Variants in MYO7B observed in about 807,000 individuals in gnomAD.
The protein encoded by MYO7B is unconventional myosin-VIIb.
Under a neutral mutation model 259.7 loss-of-function variants are expected in MYO7B, and 212 were observed. That is an observed-to-expected ratio of 0.82 (90% confidence interval 0.73 to 0.91). MYO7B has a LOEUF of 0.91. Among genes scored for constraint, MYO7B ranks in the 40% least tolerant of loss-of-function variants. The pLI is 0.00. For synonymous variants in MYO7B, 1,197 were observed against 1,166.4 expected, an observed-to-expected ratio of 1.03 and a Z score of -0.54; for missense variants, 2,732 against 2,813.5, an observed-to-expected ratio of 0.97 and a Z score of 0.66.
At chr2:127,618,839 G>A (rs1257627233) in intron 26 of MYO7B, among the ~76,000 whole-genome samples, 1 of 152,246 alleles carries the variant, frequency 6.6e-6, no homozygotes, top group Non-Finnish European at 1.5e-5. Context: ...GTGGCAGGAT[G>A]GAGCCTGGGG....
At position 127,609,814 on chromosome 2, in the gene MYO7B, G is replaced by A. The variant is rs1232720178; in HGVS notation, c.3025-35G>A. 6.2e-7 allele frequency: 1 copy of A among 1,612,962 alleles called. No homozygotes were observed. The highest frequency in any genetic ancestry group is 1.1e-5 in the South Asian group (1 of 91,050). ...GAAGGAAGGGGCCATAGTCACTGAT[G>A]GGTTCCCACTGGGCCTTCTGTCTTG... On this transcript the variant is annotated intron_variant, in intron 23 of 47. Transcript: ENST00000409816. This position sits in a 1 kb window ranked among gnomAD's most constrained non-coding sequence, Gnocchi z 6.9.
intron 1 of MYO7B, among the ~76,000 whole-genome samples, chr2:127,557,162 T>C (rs1338632089): frequency 6.6e-6 from 1 of 152,116 alleles, no homozygotes; most frequent in African/African-American, 2.4e-5. Context: ...AACTCTGAAG[T>C]TCTTTCTTCT....
rs781011995 is a variant in MYO7B, at chr2:127,623,250, G to A, written c.3694G>A (p.Gly1232Arg). 8 of 1,613,566 alleles carry A rather than the reference G, an allele frequency of 5.0e-6. No individual in the cohort carries two copies. In the African/African-American group the frequency reaches 1.1e-4, roughly 22 times the overall value. ...HIPIQVILAT[G>R]ESLTVPVDSA... is the part of the protein sequence containing the mutation. ...CCCCATCCAAGTCATCTTGGCCACT[G>A]GAGAGAGCCTAACCGTCCCCGTGGA... The change falls in exon 29 of 48, where the codon GGA becomes AGA. Residue 1232 changes from glycine to arginine, a missense_variant. By Grantham distance (125) the Gly-to-Arg change is moderately radical. Around this residue, in one of 3 missense-constraint regions of MYO7B, gnomAD observed 1,906 missense variants for 2,026.4 expected, o/e 0.94. Coordinates refer to ENST00000409816, the MANE Select transcript of MYO7B (RefSeq NM_001393586.1).
intron 1 of MYO7B, among the ~76,000 whole-genome samples, chr2:127,545,313 G>A (rs1040308925): frequency 1.3e-5 from 2 of 152,228 alleles, no homozygotes; most frequent in Non-Finnish European, 2.9e-5. Context: ...TTACCACAGT[G>A]CATGGGCAGG....
rs1215137068 is a variant in MYO7B, at chr2:127,606,067, A to G, written c.2424+139A>G. The G allele has an allele frequency of 1.9e-5, 13 of 681,788 alleles. No homozygotes were observed. In the East Asian group the frequency reaches 3.3e-4, roughly 17 times the overall value. The allele number at this position is 681,788 out of a possible 1,614,324, so 42.2% of individuals were successfully genotyped here. On this transcript the variant is annotated intron_variant, in intron 20 of 47. Transcript: ENST00000409816. ...AAATCATTCACAGACGTGGCATGCA[A>G]ATTTAAAATGATCAGACCTCAGCAT... is the stretch of plus-strand genomic sequence containing the variant.
In MYO7B at chr2:127,628,471, G is replaced by T; in HGVS notation, c.4560G>T (p.Leu1520=). The change falls in exon 34 of 48, where the codon CTG becomes CTT. Residue 1520 remains leucine, a synonymous_variant. Coordinates refer to ENST00000409816, the MANE Select transcript of MYO7B (RefSeq NM_001393586.1). This position sits in a 1 kb window ranked among gnomAD's most constrained non-coding sequence, Gnocchi z 4.8. ...SSVAIAELVA[L]FLEGLKERSI... is the part of the protein sequence containing the mutation. Reference sequence around the variant, plus strand: ...TGGCCATCGCTGAGCTGGTGGCCCTGTTCCTGGAGGGCCTGAAGGAGAGGT... The same window carrying T: ...TGGCCATCGCTGAGCTGGTGGCCCTTTTCCTGGAGGGCCTGAAGGAGAGGT... The T allele has an allele frequency of 1.3e-6, 2 of 1,565,710 alleles. No homozygotes were observed. Among genetic ancestry groups the T allele is most frequent in the Non-Finnish European group, 8.6e-7 (1 of 1,156,936 alleles).
At position 127,588,146 on chromosome 2, in the gene MYO7B, A is replaced by G. The variant is rs568463517; in HGVS notation, c.1691-246A>G. 5.9e-5 allele frequency among the ~76,000 whole-genome samples: 9 copies of G among 151,632 alleles called. No homozygotes were observed. In the East Asian group the frequency reaches 1.6e-3, roughly 26 times the overall value. ...GGCAGGAGGATGTGGCAGCTTATAT[A>G]AGGGGGTTTGGAGTGGGAATGGGAA... On this transcript the variant is annotated intron_variant, in intron 14 of 47. Coordinates refer to ENST00000409816, the MANE Select transcript of MYO7B (RefSeq NM_001393586.1).
intron 6 of MYO7B, among the ~76,000 whole-genome samples, chr2:127,570,666 A>C (rs1184895831): frequency 1.3e-5 from 2 of 152,218 alleles, no homozygotes; most frequent in African/African-American, 4.8e-5. Context: ...TGACAAACTC[A>C]TACAGGCCTG....
At position 127,628,159 on chromosome 2, in the gene MYO7B, T is replaced by C; in HGVS notation, c.4461-213T>C. 1 of 694,426 alleles carries C rather than the reference T, an allele frequency of 1.4e-6. No homozygotes were observed. Among genetic ancestry groups the C allele is most frequent in the Non-Finnish European group, 2.6e-6 (1 of 383,946 alleles). 43.0% of individuals were successfully genotyped at this position (694,426 alleles called of 1,614,324 possible). On this transcript the variant is annotated intron_variant, in intron 33 of 47. Transcript: ENST00000409816. This position sits in a 1 kb window ranked among gnomAD's most constrained non-coding sequence, Gnocchi z 4.8. ...CCCACAGCCAACCCCACACATGGGC[T>C]GCACCACTCTCAGCCTCCGAGAGGT...
chr2:127,593,173 C>T (rs1679634331), intron 17 of MYO7B, among the ~76,000 whole-genome samples: 1 of 152,214 alleles, frequency 6.6e-6, no homozygotes, highest in Non-Finnish European at 1.5e-5. Flanking sequence ...AGCTGGCGGC[C>T]GCAGCGGTTC....
rs375081670 is a variant in MYO7B at position 127,630,890 on chromosome 2, TCTC to T, written c.4922_4924del (p.Ser1641del). On this transcript the variant is annotated inframe_deletion, in exon 36 of 48. Coordinates refer to ENST00000409816, the MANE Select transcript of MYO7B (RefSeq NM_001393586.1). Reference sequence around the variant, plus strand: ...GAAAAGCTGCACACCCTGGAGGAGTTCTCCTATGAGTTCTTCAGGTGCCCCCCA... The same window carrying T: ...GAAAAGCTGCACACCCTGGAGGAGTTCTATGAGTTCTTCAGGTGCCCCCCA... 121 of 1,591,702 alleles carry T rather than the reference TCTC, an allele frequency of 7.6e-5. No individual in the cohort carries two copies. The Middle Eastern group carries it at 1.3e-3, about 18-fold the overall frequency.
intron 28 of MYO7B, among the ~76,000 whole-genome samples, chr2:127,622,759 A>T (rs751694221): frequency 3.3e-5 from 5 of 152,182 alleles, no homozygotes; most frequent in Non-Finnish European, 5.9e-5. Context: ...TTGTAGGTGA[A>T]CTTGCAGTAG....
chr2:127,544,182 T>TC (rs1315096823), intron 1 of MYO7B, among the ~76,000 whole-genome samples: 1 of 152,090 alleles, frequency 6.6e-6, no homozygotes, highest in Non-Finnish European at 1.5e-5. Flanking sequence ...ACTTAAGTGA[T>TC]CCTCCCACCT....
chr2:127,575,629 T>A (rs1678837907), intron 7 of MYO7B, among the ~76,000 whole-genome samples: 2 of 152,074 alleles, frequency 1.3e-5, no homozygotes, highest in Admixed American at 6.6e-5. Flanking sequence ...TAAGTAAATG[T>A]TTTTTTAAAA....
At position 127,636,745 on chromosome 2, in the gene MYO7B, G is replaced by A; in HGVS notation, c.6208-49G>A. 2 of 1,612,348 alleles carry A rather than the reference G, an allele frequency of 1.2e-6. No homozygotes were observed. Among genetic ancestry groups the A allele is most frequent in the Admixed American group, 1.7e-5 (1 of 59,970 alleles). The stretch of plus-strand genomic sequence containing the variant: ...TCTCTCCTGTCCCCTAACACACACA[G>A]AGCCCGTGCTCTGGAGGCGTCCGGC... On this transcript the variant is annotated intron_variant, in intron 46 of 47. Transcript: ENST00000409816. This position sits in a 1 kb window ranked among gnomAD's most constrained non-coding sequence, Gnocchi z 4.5.
Position 127,596,462 on chromosome 2 carries a change from G to T in MYO7B, c.2245G>T (p.Asp749Tyr), listed in dbSNP as rs551493788. 95 of 1,612,362 alleles carry T rather than the reference G, an allele frequency of 5.9e-5. No homozygotes were observed. In the East Asian group the frequency reaches 1.9e-3, roughly 33 times the overall value. The stretch of plus-strand genomic sequence containing the variant: ...AGTGACGGCGTCTCTCCTGTTCCAG[G>T]ATCATCAGGACACTCTGCTGGAGGT... ...KAGKTKIFLRDHQDTLLEVQR... is the reference protein window; with the variant it reads ...KAGKTKIFLRYHQDTLLEVQR... The change falls in exon 19 of 48, where the codon GAT becomes TAT. Residue 749 changes from aspartate to tyrosine, a missense_variant and splice_region_variant. Transcript: ENST00000409816.
At chr2:127,538,982 T>C (rs1429743025) in intron 1 of MYO7B, among the ~76,000 whole-genome samples, 1 of 152,206 alleles carries the variant, frequency 6.6e-6, no homozygotes, top group East Asian at 1.9e-4. Context: ...AGGGTTGTTT[T>C]ACAGATCAAA....
chr2:127,634,399 C>G (rs1223297264), intron 41 of MYO7B, 110 bp downstream of exon 41: 1 of 975,784 alleles, frequency 1.0e-6, no homozygotes, highest in African/African-American at 1.6e-5. Context: ...CTGGACCAGG[C>G]TGCACGGCCA....
rs1285905946 is a variant in MYO7B, at chr2:127,622,099, C to T, written c.3643C>T (p.Gln1215Ter). The change falls in exon 28 of 48, where the codon CAG becomes TAG. Residue 1215 changes from glutamine to a stop codon, truncating the protein, a stop_gained and splice_region_variant. Transcript: ENST00000409816. LOFTEE classifies it high-confidence loss of function. ...RAEPPTWLEL[Q>*]AVKSKKHIPI... is the part of the protein sequence containing the mutation. ...GGAGCCCCCCACCTGGCTGGAGCTG[C>T]AGGTAGGGGCTGGCAGGGGTGAGAG... 1 of 1,548,984 alleles carries T rather than the reference C, an allele frequency of 6.5e-7. No individual in the cohort carries two copies. The highest frequency in any genetic ancestry group is 8.7e-7 in the Non-Finnish European group (1 of 1,145,132).
Sources: gnomAD v4.1 joint callset for allele counts (sites outside exome capture counted in the v4.1 genomes callset) on GRCh38, gnomAD v4.1.1 for gene constraint, gnomAD v4.1.1 regional missense constraint, Gnocchi (gnomAD v3.1) non-coding constraint, MANE v1.5 for transcripts, NCBI Gene and HGNC (gene_info 2026-07-23, HGNC 2026-07-21) for gene names.